Variants in NWD1 observed in about 807,000 individuals in gnomAD.
The protein encoded by NWD1 is NACHT domain- and WD repeat-containing protein 1.
NWD1 carries 129 observed loss-of-function variants against 135.1 expected under a neutral mutation model. That is an observed-to-expected ratio of 0.96 (90% confidence interval 0.83 to 1.11). NWD1 has a LOEUF of 1.11. Among genes scored for constraint, NWD1 ranks in the 50% least tolerant of loss-of-function variants. The pLI is 0.00. For synonymous variants in NWD1, 773 were observed against 786.0 expected (o/e 0.98, Z 0.28); for missense variants, 1,740 against 1,851.3 (o/e 0.94, Z 1.10).
At chr19:16,743,695 T>C (rs1311638140) in intron 4 of NWD1, among the ~76,000 whole-genome samples, 1 of 152,034 alleles carries the variant, frequency 6.6e-6, no homozygotes, top group Non-Finnish European at 1.5e-5. Flanking sequence ...TTTATTTATT[T>C]ATTTTGAGAC....
intron 12 of NWD1, 38 bp downstream of exon 12, chr19:16,779,503 T>C (rs1036099701): frequency 1.9e-6 from 3 of 1,602,132 alleles, no homozygotes; most frequent in Non-Finnish European, 2.6e-6. Context: ...TCAGCTTCCA[T>C]AGTGAAAAGT....
chr19:16,809,861 C>T lies in NWD1; in HGVS notation c.4287+1725C>T, dbSNP rs112170186. On this transcript the variant is annotated intron_variant, in intron 18 of 18. Coordinates refer to ENST00000524140, the MANE Select transcript of NWD1 (RefSeq NM_001007525.5). ...CATGAGCCACCGTGCCTGGCTGCTC[C>T]GTGCTATTTCTTTATCCAACTGATA... 9.4e-3 allele frequency among the ~76,000 whole-genome samples: 1,424 copies of T among 151,956 alleles called. 29 individuals carry two copies. The highest frequency in any genetic ancestry group is 0.033 in the African/African-American group (1,363 of 41,466).
At chr19:16,811,952 G>T (rs1970938445) in intron 18 of NWD1, among the ~76,000 whole-genome samples, 1 of 152,182 alleles carries the variant, frequency 6.6e-6, no homozygotes, top group South Asian at 2.1e-4. Context: ...GGAGACGGAG[G>T]TTGCAGTGAG....
intron 18 of NWD1, chr19:16,812,652 A>G: frequency 1.3e-6 from 1 of 756,488 alleles, no homozygotes; most frequent in South Asian, 1.4e-5. Context: ...CTGGGCAACA[A>G]GAGTGAAACT....
At position 16,791,342 on chromosome 19, in the gene NWD1, T is replaced by C. The variant is rs766333892; in HGVS notation, c.2941-8T>C. 10 of 1,610,434 alleles carry C rather than the reference T, an allele frequency of 6.2e-6. No homozygotes were observed. Among genetic ancestry groups the C allele is most frequent in the Non-Finnish European group, 8.5e-6 (10 of 1,177,618 alleles). On this transcript the variant is annotated splice_region_variant and splice_polypyrimidine_tract_variant and intron_variant, in intron 13 of 18. Transcript: ENST00000524140. ...CAAGATGCTGCTTCCTCTTCATTAT[T>C]CTATTAGATCAATGCTTGGAATCTG...
rs745437156 is a variant in NWD1, at chr19:16,750,430, A to G, written c.1769+19A>G. The G allele has an allele frequency of 2.1e-5, 31 of 1,503,844 alleles. No homozygotes were observed. Among genetic ancestry groups the G allele is most frequent in the Non-Finnish European group, 2.7e-5 (30 of 1,126,244 alleles). 93.2% of individuals were successfully genotyped at this position (1,503,844 alleles called of 1,614,324 possible). A position where few individuals can be genotyped will look rare whatever the true frequency, so the allele number is the denominator to read the frequency against. ...CTTCCCGGTAAGTCTCTGTGTTTTG[A>G]AACTCTTATTTATTTATTTATGTTT... On this transcript the variant is annotated intron_variant, in intron 6 of 18. Transcript: ENST00000524140.
At chr19:16,813,644 T>G (rs1970990012) in intron 18 of NWD1, among the ~76,000 whole-genome samples, 1 of 151,998 alleles carries the variant, frequency 6.6e-6, no homozygotes. Flanking sequence ...ACTCAGCTAA[T>G]TTTTGTATTT....
At chr19:16,766,467 C>T (rs1208869248) in intron 10 of NWD1, among the ~76,000 whole-genome samples, 1 of 152,196 alleles carries the variant, frequency 6.6e-6, no homozygotes, top group East Asian at 1.9e-4. Flanking sequence ...GTCTGGCCCT[C>T]AGACTGCAAT....
chr19:16,738,901 T>TATATATTATATATAATA, intron 4 of NWD1, among the ~76,000 whole-genome samples: 1 of 145,138 alleles, frequency 6.9e-6, no homozygotes, highest in African/African-American at 2.5e-5. Context: ...TATATATATT[T>TATATATTATATATAATA]CACTCCTTTT....
intron 12 of NWD1, among the ~76,000 whole-genome samples, chr19:16,788,272 A>AATAATAATG (rs1555729784): frequency 2.8e-5 from 4 of 140,820 alleles, no homozygotes; most frequent in Non-Finnish European, 4.6e-5. Flanking sequence ...TAATAATAAT[A>AATAATAATG]ATAATAATAA....
At chr19:16,742,952 G>A (rs770053239) in intron 4 of NWD1, among the ~76,000 whole-genome samples, 46 of 149,600 alleles carry the variant, frequency 3.1e-4, no homozygotes, top group African/African-American at 4.9e-4. Context: ...TTGCTCTGTC[G>A]CCCAGGCTGG....
chr19:16,736,256 G>T (rs1447242871), intron 3 of NWD1, among the ~76,000 whole-genome samples: 4 of 54,172 alleles, frequency 7.4e-5, no homozygotes, highest in African/African-American at 3.7e-4. Context: ...TTTTGACAGA[G>T]CCTGGCTCTG....
chr19:16,813,663 G>A (rs1013438074), intron 18 of NWD1, among the ~76,000 whole-genome samples: 1 of 151,982 alleles, frequency 6.6e-6, no homozygotes, highest in Admixed American at 6.6e-5. Flanking sequence ...TTTGAGTAGA[G>A]GTAGGGTTTC....
At chr19:16,813,988 CA>C (rs563328787) in intron 18 of NWD1, among the ~76,000 whole-genome samples, 130 of 124,118 alleles carry the variant, frequency 1.0e-3, no homozygotes, top group Admixed American at 1.2e-3. Flanking sequence ...TCTGTCTCTA[CA>C]AAAAAAAAAA....
intron 10 of NWD1, 78 bp from the exon 11 acceptor site, chr19:16,773,048 A>G: frequency 2.5e-6 from 3 of 1,213,258 alleles, no homozygotes; most frequent in Non-Finnish European, 3.7e-6. Flanking sequence ...GAGCCCCTGC[A>G]GGGAGCAGAG....
intron 10 of NWD1, among the ~76,000 whole-genome samples, chr19:16,768,285 C>T (rs1460708466): frequency 6.6e-6 from 1 of 151,986 alleles, no homozygotes; most frequent in Non-Finnish European, 1.5e-5. Flanking sequence ...CTTGAGCTAC[C>T]ATGCCTGGCT....
chr19:16,809,658 C>T (rs1415480121), intron 18 of NWD1, among the ~76,000 whole-genome samples: 1 of 151,218 alleles, frequency 6.6e-6, no homozygotes, highest in Non-Finnish European at 1.5e-5. Flanking sequence ...GGGTTTATGC[C>T]ATTCTCCTGC....
chr19:16,747,123 G>A (rs1289940151), intron 5 of NWD1, among the ~76,000 whole-genome samples: 1 of 146,202 alleles, frequency 6.8e-6, no homozygotes, highest in African/African-American at 2.5e-5. Context: ...TCCAACCTCT[G>A]CTTCCCAGGT....
At position 16,797,826 on chromosome 19, in the gene NWD1, G is replaced by A. The variant is rs199576385; in HGVS notation, c.3399G>A (p.Thr1133=). 17 of 1,613,916 alleles carry A rather than the reference G, an allele frequency of 1.1e-5. No homozygotes were observed. The highest frequency in any genetic ancestry group is 2.2e-5 in the South Asian group (2 of 91,086). ...MDLEHEDMVE[T]AVFGTENNLI... ...TGGAACATGAAGACATGGTGGAGAC[G>A]GCTGTTTTTGGTACTGAGAACAACC... The change falls in exon 16 of 19, where the codon ACG becomes ACA. Residue 1133 remains threonine, a synonymous_variant. Transcript: ENST00000524140.
Sources: allele counts gnomAD v4.1 joint callset (sites outside exome capture counted in the v4.1 genomes callset), GRCh38; gene constraint gnomAD v4.1.1; transcripts MANE v1.5; gene names NCBI Gene and HGNC (gene_info 2026-07-23, HGNC 2026-07-21).